Variants in ASAP2 observed in about 807,000 individuals in gnomAD.
ASAP2 encodes the protein arf-GAP with SH3 domain, ANK repeat and PH domain-containing protein 2.
A neutral mutation model predicts 131.4 loss-of-function variants in ASAP2; 45 were observed. That is an observed-to-expected ratio of 0.34 (90% CI 0.27 to 0.44). ASAP2 has a LOEUF of 0.44. ASAP2 is among the 20% of genes least tolerant of loss of function. The probability of loss-of-function intolerance (pLI) is 1.00; values close to 1 mark genes in which losing one functional copy is unlikely to be tolerated. For synonymous variants in ASAP2, 510 were observed against 503.0 expected, an observed-to-expected ratio of 1.01 and a Z score of -0.19; for missense variants, 1,011 against 1,297.0, an observed-to-expected ratio of 0.78 and a Z score of 3.39.
intron 20 of ASAP2, 85 bp from the exon 21 acceptor site, chr2:9,385,160 G>A (rs1443409962): frequency 2.0e-6 from 2 of 1,024,930 alleles, no homozygotes; most frequent in South Asian, 1.5e-5. Context: ...CTAGAAGGCA[G>A]GCCTCCTGCC....
At chr2:9,294,750 G>T (rs1668048705) in intron 2 of ASAP2, among the ~76,000 whole-genome samples, 1 of 152,198 alleles carries the variant, frequency 6.6e-6, no homozygotes, top group South Asian at 2.1e-4. Context: ...GCTGCATAGA[G>T]TCTTCAGCTT....
chr2:9,356,509 C>T (rs181802582), intron 14 of ASAP2, among the ~76,000 whole-genome samples, 164 bp downstream of exon 14: 131 of 152,256 alleles, frequency 8.6e-4, no homozygotes, highest in African/African-American at 2.9e-3. Context: ...CTGTGCAGAC[C>T]GCGGCAGGGG....
intron 1 of ASAP2, among the ~76,000 whole-genome samples, chr2:9,208,394 GTTAT>G (rs1364107345): frequency 1.4e-5 from 2 of 147,924 alleles, no homozygotes; most frequent in Non-Finnish European, 3.0e-5. Flanking sequence ...AAGCAATGGC[GTTAT>G]TTTTTTTTTC....
chr2:9,265,296 A>C (rs369047547), intron 1 of ASAP2, among the ~76,000 whole-genome samples: 2 of 152,272 alleles, frequency 1.3e-5, no homozygotes, highest in African/African-American at 4.8e-5. Context: ...AACATTCTAC[A>C]TTACGAATTG....
At chr2:9,382,951 A>G (rs1356352698) in intron 20 of ASAP2, among the ~76,000 whole-genome samples, 1 of 152,172 alleles carries the variant, frequency 6.6e-6, no homozygotes, top group Non-Finnish European at 1.5e-5. Context: ...AGGAATTATT[A>G]CTCAACTGTG....
At chr2:9,257,354 TA>T (rs781325255) in intron 1 of ASAP2, among the ~76,000 whole-genome samples, 4 of 152,250 alleles carry the variant, frequency 2.6e-5, no homozygotes, top group Admixed American at 6.5e-5. Context: ...TAGTAAGCAT[TA>T]TGGAATGACC....
In ASAP2 at chr2:9,217,587, C is replaced by G. The variant is rs1217921539; in HGVS notation, c.126+10357C>G. ...CTTTCCCCAGCTTCTCAGAAGAAAT[C>G]ATGTTCTTCTTAGAGGTATGTTTTT... On this transcript the variant is annotated intron_variant, in intron 1 of 27. Transcript: ENST00000281419. The surrounding 1 kb of genome is among the most constrained non-coding windows in gnomAD (Gnocchi z 4.0). Among the ~76,000 whole-genome samples, 1 of 151,908 alleles carries G rather than the reference C, an allele frequency of 6.6e-6. No homozygotes were observed. The highest frequency in any genetic ancestry group is 2.4e-5 in the African/African-American group (1 of 41,310).
At chr2:9,403,069 A>G (rs1676884137) in intron 27 of ASAP2, among the ~76,000 whole-genome samples, 184 bp from the exon 28 acceptor site, 1 of 152,218 alleles carries the variant, frequency 6.6e-6, no homozygotes, top group African/African-American at 2.4e-5. Context: ...GGCCTGCACT[A>G]TTTGAAATGT....
chr2:9,245,163 G>A (rs993774744), intron 1 of ASAP2, among the ~76,000 whole-genome samples: 28 of 152,240 alleles, frequency 1.8e-4, no homozygotes, highest in African/African-American at 6.5e-4. Flanking sequence ...CCAGGAACTT[G>A]TAGCTTGATT....
Position 9,263,863 on chromosome 2 carries a change from A to C in ASAP2, c.127-15454A>C, listed in dbSNP as rs539161501. ...TTGCCTGGTTCTTCTATAATAGGTT[A>C]AGTATTTTTTTCTCCATTTTTTTCC... On this transcript the variant is annotated intron_variant, in intron 1 of 27. Transcript: ENST00000281419. Among the ~76,000 whole-genome samples, 13 of 152,196 alleles carry C rather than the reference A, an allele frequency of 8.5e-5. No individual in the cohort carries two copies. The South Asian group carries it at 2.7e-3, about 32-fold the overall frequency.
chr2:9,405,566 A>G lies in ASAP2; in HGVS notation c.*2239A>G, dbSNP rs1446927379. ...TGTATATATTGTATAACCGAAATTG[A>G]TTATTTTCATTGTCCTTAATGCAGT... On this transcript the variant is annotated 3_prime_UTR_variant, in exon 28 of 28. Transcript: ENST00000281419. 6.6e-6 allele frequency: 1 copy of G among 152,562 alleles called. No individual in the cohort carries two copies. Among genetic ancestry groups the G allele is most frequent in the Admixed American group, 6.5e-5 (1 of 15,274 alleles). The allele number at this position is 152,562 out of a possible 1,614,324, so 9.5% of individuals were successfully genotyped here.
chr2:9,309,884 C>A (rs1669187203), intron 3 of ASAP2, among the ~76,000 whole-genome samples: 1 of 152,180 alleles, frequency 6.6e-6, no homozygotes, highest in African/African-American at 2.4e-5. Flanking sequence ...TATTATCTGT[C>A]CTGTGGGACA....
chr2:9,266,017 AC>A (rs146848319), intron 1 of ASAP2, among the ~76,000 whole-genome samples: 28,717 of 149,432 alleles, frequency 0.19, 3,144 homozygotes, highest in Non-Finnish European at 0.26. Context: ...CAAGTGATCC[AC>A]CCCCCCACCC....
In ASAP2 at chr2:9,334,825, C is replaced by T; in HGVS notation, c.762+12C>T. The T allele has an allele frequency of 6.2e-7, 1 of 1,609,428 alleles. No homozygotes were observed. Among genetic ancestry groups the T allele is most frequent in the African/African-American group, 1.3e-5 (1 of 74,886 alleles). Reference sequence around the variant, plus strand: ...CGGATCTTCACACGGTGAGTAGCTTCCCTCCCACTGTGGTTTAAAACCATC... The same window carrying T: ...CGGATCTTCACACGGTGAGTAGCTTTCCTCCCACTGTGGTTTAAAACCATC... On this transcript the variant is annotated intron_variant, in intron 8 of 27. Transcript: ENST00000281419.
At chr2:9,384,562 G>A (rs915124904) in intron 20 of ASAP2, among the ~76,000 whole-genome samples, 3 of 152,248 alleles carry the variant, frequency 2.0e-5, no homozygotes, top group African/African-American at 7.2e-5. Context: ...GGTTCCCACA[G>A]CCCCCTCTTT....
chr2:9,339,601 A>G (rs1371630832), intron 9 of ASAP2, among the ~76,000 whole-genome samples: 1 of 152,104 alleles, frequency 6.6e-6, no homozygotes, highest in Non-Finnish European at 1.5e-5. Context: ...TAGTGACCAA[A>G]TTCCCTTCCC....
rs1413762405 is a variant in ASAP2, at chr2:9,389,028, A to G, written c.2383+482A>G. On this transcript the variant is annotated intron_variant, in intron 22 of 27. Transcript: ENST00000281419. The surrounding 1 kb of genome is among the most constrained non-coding windows in gnomAD (Gnocchi z 4.7). The stretch of plus-strand genomic sequence containing the variant: ...GGAACGATGCTCGGCCTAATTGTAA[A>G]ATACAAAACCAGCCCTGTGGGCCTA... Among the ~76,000 whole-genome samples the G allele has an allele frequency of 1.3e-5, 2 of 152,224 alleles. No individual in the cohort carries two copies. Among genetic ancestry groups the G allele is most frequent in the Non-Finnish European group, 2.9e-5 (2 of 68,036 alleles).
At chr2:9,301,818 A>ATTTTTTTTTTTTTTTTTTT (rs1558310253) in intron 3 of ASAP2, among the ~76,000 whole-genome samples, 1 of 127,354 alleles carries the variant, frequency 7.9e-6, no homozygotes, top group African/African-American at 3.0e-5. Flanking sequence ...TGTATCCATC[A>ATTTTTTTTTTTTTTTTTTT]TCTTTTTTTT....
rs960065429 is a variant in ASAP2 at position 9,317,219 on chromosome 2, TCA to T, written c.346-1300_346-1299del. On this transcript the variant is annotated intron_variant, in intron 3 of 27. Coordinates refer to ENST00000281419, the MANE Select transcript of ASAP2 (RefSeq NM_003887.3). ...CAATCACACCCACTCACATCCACACTCACACAATCACACAACCACACTCATAC... is the reference window on the plus strand; with the variant it reads ...CAATCACACCCACTCACATCCACACTCACAATCACACAACCACACTCATAC... Among the ~76,000 whole-genome samples the T allele has an allele frequency of 1.5e-4, 10 of 68,442 alleles. 1 individual carries two copies. Among genetic ancestry groups the T allele is most frequent in the Admixed American group, 1.1e-3 (9 of 8,506 alleles). 44.9% of individuals were successfully genotyped at this position (68,442 alleles called of 152,430 possible). A position where few individuals can be genotyped will look rare whatever the true frequency, so the allele number is the denominator to read the frequency against.
Sources: allele counts gnomAD v4.1 joint callset (sites outside exome capture counted in the v4.1 genomes callset), GRCh38; gene constraint gnomAD v4.1.1; non-coding constraint Gnocchi (gnomAD v3.1); transcripts MANE v1.5; gene names NCBI Gene and HGNC (gene_info 2026-07-23, HGNC 2026-07-21).